RETREG3: variants seen among roughly 807,000 people sequenced by gnomAD.
RETREG3 encodes the protein reticulophagy regulator 3.
A neutral mutation model predicts 50.2 loss-of-function variants in RETREG3; 23 were observed. The ratio of observed to expected loss-of-function variants is 0.46; its 90% CI spans 0.33 to 0.65. RETREG3 has a LOEUF of 0.65. RETREG3 is among the 30% of genes least tolerant of loss of function. RETREG3 has a pLI of 0.02. For synonymous variants in RETREG3, 240 were observed against 234.4 expected, an observed-to-expected ratio of 1.02 and a Z score of -0.22; for missense variants, 546 against 598.0, an observed-to-expected ratio of 0.91 and a Z score of 0.91.
chr17:42,597,528 T>TAC (rs2093148094), intron 1 of RETREG3, among the ~76,000 whole-genome samples: 1 of 138,096 alleles, frequency 7.2e-6, no homozygotes, highest in African/African-American at 2.7e-5. Context: ...TGTGTGTATA[T>TAC]ATATATATAT....
intron 2 of RETREG3, 31 bp downstream of exon 2, chr17:42,592,025 T>C (rs1194843110): frequency 1.9e-6 from 3 of 1,569,042 alleles, no homozygotes; most frequent in Non-Finnish European, 2.6e-6. Context: ...CCATCTTCAG[T>C]TCAGATTGTT....
chr17:42,588,520 G>A (rs1041950206), intron 2 of RETREG3, among the ~76,000 whole-genome samples: 6 of 151,862 alleles, frequency 4.0e-5, no homozygotes, highest in African/African-American at 9.7e-5. Flanking sequence ...ACAGGCACAC[G>A]CCACCATACC....
chr17:42,597,919 C>T (rs561224984), intron 1 of RETREG3, among the ~76,000 whole-genome samples: 27 of 151,194 alleles, frequency 1.8e-4, no homozygotes, highest in African/African-American at 4.6e-4. Context: ...CATAAGCCAC[C>T]GCGCCTGGCC....
intron 1 of RETREG3, among the ~76,000 whole-genome samples, chr17:42,603,477 G>C (rs2093162020): frequency 6.6e-6 from 1 of 152,128 alleles, no homozygotes; most frequent in Non-Finnish European, 1.5e-5. Flanking sequence ...GACAGTTGTT[G>C]CTTGCAAAAA....
chr17:42,588,002 T>C (rs1218137843), intron 2 of RETREG3, 138 bp from the exon 3 acceptor site: 20 of 890,434 alleles, frequency 2.2e-5, no homozygotes, highest in Admixed American at 1.9e-5. Flanking sequence ...AAGGAGACAC[T>C]GTGTTATACT....
chr17:42,605,552 C>T (rs544348109), intron 1 of RETREG3, among the ~76,000 whole-genome samples: 13 of 152,268 alleles, frequency 8.5e-5, no homozygotes, highest in African/African-American at 2.9e-4. Flanking sequence ...CTCTAATTAC[C>T]TACCAAGGAA....
rs1366112137 is a variant in RETREG3, at chr17:42,584,689, TC to T, written c.727+435del. Among the ~76,000 whole-genome samples, 3 of 151,684 alleles carry T rather than the reference TC, an allele frequency of 2.0e-5. No homozygotes were observed. In the East Asian group the frequency reaches 5.8e-4, roughly 29 times the overall value. ...TAGATGTGGTGACACATGCCTGTAG[TC>T]CCAGCTACTGAAGGGTTTGGCGGGG... On this transcript the variant is annotated intron_variant, in intron 6 of 8. Coordinates refer to ENST00000309428, the MANE Select transcript of RETREG3 (RefSeq NM_178126.4).
chr17:42,599,763 C>CTTT (rs1030192492), intron 1 of RETREG3, among the ~76,000 whole-genome samples: 8 of 151,858 alleles, frequency 5.3e-5, no homozygotes, highest in African/African-American at 1.9e-4. Flanking sequence ...GAAGCCAAGG[C>CTTT]AGGTGGATCA....
intron 3 of RETREG3, 192 bp from the exon 4 acceptor site, chr17:42,587,083 A>G (rs1305109946): frequency 1.4e-6 from 1 of 703,438 alleles, no homozygotes; most frequent in African/African-American, 1.8e-5. Flanking sequence ...AAGGAGGACA[A>G]ACTTGTTCTG....
In RETREG3 at chr17:42,582,008, G is replaced by A; in HGVS notation, c.1206C>T (p.Ser402=). The part of the protein sequence containing the change: ...NLTSNLASLV[S]QGMIQLALSG... ...ACAAGGCCAGCTGAATCATACCCTG[G>A]GAGACCAGGCTGGCAAGGTTGCTGG... Residue 402 remains serine, a synonymous_variant, in exon 9 of 9, where the codon TCC becomes TCT. Transcript: ENST00000309428. The A allele has an allele frequency of 6.2e-7, 1 of 1,614,078 alleles. No individual in the cohort carries two copies. Among genetic ancestry groups the A allele is most frequent in the African/African-American group, 1.3e-5 (1 of 75,014 alleles).
chr17:42,604,815 T>C (rs974734129), intron 1 of RETREG3, among the ~76,000 whole-genome samples: 5 of 152,064 alleles, frequency 3.3e-5, no homozygotes, highest in Admixed American at 2.0e-4. Flanking sequence ...AGTGTTCATT[T>C]ACCCTCCTCT....
At position 42,582,856 on chromosome 17, in the gene RETREG3, TAGTCACCAGGTAC is replaced by T. The variant is rs781306558; in HGVS notation, c.811-63_811-51del. 11 of 1,610,336 alleles carry T rather than the reference TAGTCACCAGGTAC, an allele frequency of 6.8e-6. No individual in the cohort carries two copies. The Admixed American group carries it at 1.0e-4, about 15-fold the overall frequency. On this transcript the variant is annotated intron_variant, in intron 7 of 8. Coordinates refer to ENST00000309428, the MANE Select transcript of RETREG3 (RefSeq NM_178126.4). ...AGATAATGCCATCAGGAACCAGGTG[TAGTCACCAGGTAC>T]AGCTTTACTAATCAGCTAGCATTAG...
chr17:42,582,935 G>A, intron 7 of RETREG3, 129 bp from the exon 8 acceptor site: 1 of 1,210,848 alleles, frequency 8.3e-7, no homozygotes, highest in East Asian at 2.4e-5. Context: ...AGGGATAGAT[G>A]GTAACTTCCC....
At chr17:42,594,398 G>A (rs963822884) in intron 1 of RETREG3, among the ~76,000 whole-genome samples, 7 of 151,890 alleles carry the variant, frequency 4.6e-5, no homozygotes, top group African/African-American at 1.7e-4. Context: ...TCTACTAAAA[G>A]TACAAAAATT....
At chr17:42,597,613 A>T (rs1343699665) in intron 1 of RETREG3, among the ~76,000 whole-genome samples, 5 of 53,726 alleles carry the variant, frequency 9.3e-5, no homozygotes, top group African/African-American at 3.6e-4. Flanking sequence ...ATATATATAT[A>T]TATATATTTT....
chr17:42,585,048 CCAGT>C, intron 6 of RETREG3, 73 bp downstream of exon 6: 1 of 1,560,022 alleles, frequency 6.4e-7, no homozygotes, highest in Non-Finnish European at 8.7e-7. Context: ...GAGGACCCAC[CCAGT>C]ATGTCAGACC....
At chr17:42,587,760 TAAC>T in intron 3 of RETREG3, 71 bp downstream of exon 3, 2 of 1,573,108 alleles carry the variant, frequency 1.3e-6, no homozygotes, top group Non-Finnish European at 1.7e-6. Context: ...AACATGGGGT[TAAC>T]AACATGTAAC....
At position 42,609,159 on chromosome 17, in the gene RETREG3, C is replaced by A; in HGVS notation, c.166G>T (p.Val56Leu). The A allele has an allele frequency of 7.5e-6, 12 of 1,610,550 alleles. No individual in the cohort carries two copies. The highest frequency in any genetic ancestry group is 1.0e-5 in the Non-Finnish European group (12 of 1,179,908). Reference sequence around the variant, plus strand: ...CGCTCCCACACCAGGGCTGCCTGCACCCGACTCAGCAGAGGCTCGTAAGGC... The same window carrying A: ...CGCTCCCACACCAGGGCTGCCTGCAACCGACTCAGCAGAGGCTCGTAAGGC... ...LGPYEPLLSR[V>L]QAALVWERPA... The change falls in exon 1 of 9, where the codon GTG becomes TTG. Residue 56 changes from valine (V) to leucine (L), a missense_variant. Transcript: ENST00000309428.
Position 42,579,972 on chromosome 17 carries a change from C to T in RETREG3, c.*1841G>A, listed in dbSNP as rs1303564408. On this transcript the variant is annotated 3_prime_UTR_variant, in exon 9 of 9. Transcript: ENST00000309428. Reference sequence around the variant, plus strand: ...CAGGCTCTGTCCAACATCCCTCACCCAAGTACAGGGGTGTTGGGGGAGTGG... The same window carrying T: ...CAGGCTCTGTCCAACATCCCTCACCTAAGTACAGGGGTGTTGGGGGAGTGG... The T allele has an allele frequency of 6.5e-6, 1 of 152,882 alleles. No individual in the cohort carries two copies. The highest frequency in any genetic ancestry group is 1.5e-5 in the Non-Finnish European group (1 of 68,140). The allele number at this position is 152,882 out of a possible 1,614,324, so 9.5% of individuals were successfully genotyped here.
Sources: gnomAD v4.1 joint callset for allele counts (sites outside exome capture counted in the v4.1 genomes callset) on GRCh38, gnomAD v4.1.1 for gene constraint, MANE v1.5 for transcripts, NCBI Gene and HGNC (gene_info 2026-07-23, HGNC 2026-07-21) for gene names.